The following ANKRD31 variants were observed in gnomAD, a reference collection of about 807,000 sequenced individuals.
ANKRD31 encodes ankyrin repeat domain-containing protein 31.
A neutral mutation model predicts 186.0 loss-of-function variants in ANKRD31; 147 were observed. The observed-to-expected ratio is 0.79, with a 90% CI of 0.69 to 0.91. The LOEUF (loss-of-function observed/expected upper bound fraction) is 0.91, where lower values mean the gene tolerates loss of function less well. Ranked by LOEUF, ANKRD31 falls within the 40% of genes least tolerant of loss-of-function variation. ANKRD31 has a pLI of 0.00. For synonymous variants in ANKRD31, 673 were observed against 736.4 expected, an observed-to-expected ratio of 0.91 and a Z score of 1.39; for missense variants, 1,986 against 2,148.8, an observed-to-expected ratio of 0.92 and a Z score of 1.50.
intron 25 of ANKRD31, among the ~76,000 whole-genome samples, chr5:75,074,119 G>A (rs1161813707): frequency 6.6e-6 from 1 of 152,124 alleles, no homozygotes; most frequent in African/African-American, 2.4e-5. Flanking sequence ...GAAATTACAA[G>A]TGGCTGGCTC....
At chr5:75,223,159 C>T (rs1046634927) in intron 2 of ANKRD31, among the ~76,000 whole-genome samples, 2 of 152,158 alleles carry the variant, frequency 1.3e-5, no homozygotes, top group South Asian at 4.1e-4. Context: ...GATGGTATCT[C>T]CTTGTGGTTT....
At chr5:75,157,652 T>C (rs1163261900) in intron 11 of ANKRD31, among the ~76,000 whole-genome samples, 5 of 152,194 alleles carry the variant, frequency 3.3e-5, no homozygotes, top group African/African-American at 7.2e-5. Context: ...GCCAGAAATA[T>C]AGGTGGGCCT....
chr5:75,179,565 C>T (rs1398524799), intron 10 of ANKRD31, among the ~76,000 whole-genome samples: 1 of 152,186 alleles, frequency 6.6e-6, no homozygotes, highest in Non-Finnish European at 1.5e-5. Context: ...CACTGGGATG[C>T]AAGGCTGGTT....
At chr5:75,087,830 A>G (rs2150025844) in intron 23 of ANKRD31, among the ~76,000 whole-genome samples, 1 of 152,328 alleles carries the variant, frequency 6.6e-6, no homozygotes, top group Middle Eastern at 3.4e-3. Flanking sequence ...ACTGCCTTGG[A>G]AGAGCTGTTT....
chr5:75,121,385 G>A (rs988823315), intron 17 of ANKRD31, among the ~76,000 whole-genome samples: 5 of 152,074 alleles, frequency 3.3e-5, no homozygotes, highest in African/African-American at 1.2e-4. Context: ...CCGAGTCACA[G>A]CACTAGACAG....
intron 6 of ANKRD31, among the ~76,000 whole-genome samples, chr5:75,198,349 G>A (rs1471369205): frequency 6.6e-6 from 1 of 152,114 alleles, no homozygotes; most frequent in South Asian, 2.1e-4. Context: ...TCAGGCAGCA[G>A]GCCCATTTGC....
At chr5:75,150,970 G>A (rs974270571) in intron 12 of ANKRD31, among the ~76,000 whole-genome samples, 6 of 151,792 alleles carry the variant, frequency 4.0e-5, no homozygotes, top group African/African-American at 1.2e-4. Context: ...TTGGCTACTT[G>A]GAAGGAAGTT....
chr5:75,103,719 A>C (rs750283942), intron 22 of ANKRD31, among the ~76,000 whole-genome samples: 1 of 152,206 alleles, frequency 6.6e-6, no homozygotes, highest in Non-Finnish European at 1.5e-5. Context: ...TGGAGCTGGA[A>C]GCCATTATCT....
At chr5:75,209,747 C>G (rs1009073248) in intron 4 of ANKRD31, among the ~76,000 whole-genome samples, 1 of 152,122 alleles carries the variant, frequency 6.6e-6, no homozygotes, top group African/African-American at 2.4e-5. Flanking sequence ...TTTCATCACA[C>G]AGAATATTAA....
At chr5:75,215,655 C>T (rs2150296642) in intron 3 of ANKRD31, among the ~76,000 whole-genome samples, 1 of 152,154 alleles carries the variant, frequency 6.6e-6, no homozygotes, top group East Asian at 1.9e-4. Flanking sequence ...TCTATTTCTT[C>T]ATTGTTTGTT....
chr5:75,219,625 C>T (rs1757165331), intron 3 of ANKRD31, among the ~76,000 whole-genome samples: 1 of 106,744 alleles, frequency 9.4e-6, no homozygotes, highest in African/African-American at 7.4e-5. Flanking sequence ...ACATCCTTCA[C>T]AGAACCAGAA....
At chr5:75,198,789 C>G (rs533435144) in intron 6 of ANKRD31, among the ~76,000 whole-genome samples, 72 of 152,260 alleles carry the variant, frequency 4.7e-4, no homozygotes, top group Admixed American at 1.0e-3. Context: ...CAACTAGGTG[C>G]CAGACATCAT....
chr5:75,144,877 A>C (rs188769884), intron 14 of ANKRD31, among the ~76,000 whole-genome samples: 1 of 151,780 alleles, frequency 6.6e-6, no homozygotes, highest in Non-Finnish European at 1.5e-5. Context: ...AGAATTTACA[A>C]GGAACAAATT....
rs1757886913 is a variant in ANKRD31, at chr5:75,230,590, C to T, written c.150G>A (p.Leu50=). The T allele has an allele frequency of 2.6e-6, 4 of 1,536,830 alleles. No individual in the cohort carries two copies. Among genetic ancestry groups the T allele is most frequent in the Non-Finnish European group, 3.5e-6 (4 of 1,146,670 alleles). The change falls in exon 2 of 26, where the codon CTG becomes CTA. Residue 50 remains leucine (L), a synonymous_variant. Transcript: ENST00000506364. The part of the protein sequence containing the change: ...QDASLKSEFS[L]HPDTRGMCKG... The stretch of plus-strand genomic sequence containing the variant: ...TGCACATTCCTCTTGTATCAGGATG[C>T]AGACTGAACTCAGATTTAAGAGATG...
rs746103498 is a variant in ANKRD31 at position 75,195,978 on chromosome 5, A to C, written c.670T>G (p.Leu224Val). 2 of 1,531,898 alleles carry C rather than the reference A, an allele frequency of 1.3e-6. No individual in the cohort carries two copies. Among genetic ancestry groups the C allele is most frequent in the Non-Finnish European group, 1.7e-6 (2 of 1,144,644 alleles). The allele number at this position is 1,531,898 out of a possible 1,614,324, so 94.9% of individuals were successfully genotyped here. A position where few individuals can be genotyped will look rare whatever the true frequency, so the allele number is the denominator to read the frequency against. Reference sequence around the variant, plus strand: ...TCTGGTGATGTAAGTAAACTTTCTAAGGCAGACACAAAGGTTTCAAGAGAG... The same window carrying C: ...TCTGGTGATGTAAGTAAACTTTCTACGGCAGACACAAAGGTTTCAAGAGAG... Reference protein sequence around the residue: ...ESSLETFVSALESLLTSPEST... With the variant: ...ESSLETFVSAVESLLTSPEST... Residue 224 changes from leucine to valine, a missense_variant, in exon 7 of 26, where the codon TTA becomes GTA. Coordinates refer to ENST00000506364, the MANE Select transcript of ANKRD31 (RefSeq NM_001372053.1).
Position 75,179,074 on chromosome 5 carries a change from T to C in ANKRD31, c.1564+9419A>G, listed in dbSNP as rs866501359. On this transcript the variant is annotated intron_variant, in intron 10 of 25. Transcript: ENST00000506364. ...GATATCACCACCGATCCCACAGAAA[T>C]ACAAACTACCATCAGAGAATACTAT... 3.0e-3 allele frequency among the ~76,000 whole-genome samples: 459 copies of C among 152,110 alleles called. 3 individuals are homozygous for C. The highest frequency in any genetic ancestry group is 9.9e-3 in the African/African-American group (409 of 41,494).
Position 75,092,761 on chromosome 5 carries a change from T to C in ANKRD31, c.5332-1360A>G, listed in dbSNP as rs116447757. ...AAAAAAACAGACAAGAGAAACTGCC[T>C]GTGAGAGTGACCAGACACTGGATTT... is the stretch of plus-strand genomic sequence containing the variant. On this transcript the variant is annotated intron_variant, in intron 22 of 25. Transcript: ENST00000506364. Among the ~76,000 whole-genome samples, 1,408 of 152,236 alleles carry C rather than the reference T, an allele frequency of 9.2e-3. 31 individuals are homozygous for C. The highest frequency in any genetic ancestry group is 0.032 in the African/African-American group (1,319 of 41,540).
intron 2 of ANKRD31, among the ~76,000 whole-genome samples, chr5:75,228,648 TG>T (rs1188545288): frequency 6.6e-6 from 1 of 152,146 alleles, no homozygotes; most frequent in African/African-American, 2.4e-5. Flanking sequence ...TGGCAATCAT[TG>T]GGAGTAGAAT....
At chr5:75,167,007 C>T (rs191828369) in intron 11 of ANKRD31, among the ~76,000 whole-genome samples, 1 of 151,758 alleles carries the variant, frequency 6.6e-6, no homozygotes, top group Admixed American at 6.6e-5. Flanking sequence ...GGTTGTATAA[C>T]CCTCACCACA....
Sources: gnomAD v4.1 joint callset for allele counts (sites outside exome capture counted in the v4.1 genomes callset) on GRCh38, gnomAD v4.1.1 for gene constraint, MANE v1.5 for transcripts, NCBI Gene and HGNC (gene_info 2026-07-23, HGNC 2026-07-21) for gene names.